Variants in CHMP2B observed in about 807,000 individuals in gnomAD.
The protein encoded by CHMP2B is VPS2 homolog B.
Under a neutral mutation model 29.8 loss-of-function variants are expected in CHMP2B, and 22 were observed. The observed-to-expected ratio is 0.74, with a 90% confidence interval of 0.53 to 1.05. The LOEUF (loss-of-function observed/expected upper bound fraction) is 1.05. Among genes scored for constraint, CHMP2B ranks in the 50% least tolerant of loss-of-function variants. The probability of loss-of-function intolerance (pLI) is 0.00; values close to 1 mark genes in which losing one functional copy is unlikely to be tolerated. For synonymous variants in CHMP2B, 78 were observed against 75.8 expected (o/e 1.03, Z -0.15); for missense variants, 261 against 252.2 (o/e 1.03, Z -0.24).
At chr3:87,227,645 C>A (rs938399805) in intron 1 of CHMP2B, 89 bp downstream of exon 1, 301 of 1,547,952 alleles carry the variant, frequency 1.9e-4, no homozygotes, top group Non-Finnish European at 2.5e-4. Flanking sequence ...CCTACTGTCC[C>A]TGGAGGCGGG....
Position 87,251,371 on chromosome 3 carries a change from T to C in CHMP2B, c.424+1394T>C, listed in dbSNP as rs73148493. 7.8e-3 allele frequency among the ~76,000 whole-genome samples: 1,191 copies of C among 152,038 alleles called. 7 individuals carry two copies. Among genetic ancestry groups the C allele is most frequent in the South Asian group, 0.025 (121 of 4,824 alleles). Reference sequence around the variant, plus strand: ...AATGATCTTAGTACTTAACATGTGGTTTCCAATGCCAGTGATGGCAGTTCT... The same window carrying C: ...AATGATCTTAGTACTTAACATGTGGCTTCCAATGCCAGTGATGGCAGTTCT... On this transcript the variant is annotated intron_variant, in intron 4 of 5. Transcript: ENST00000263780.
intron 1 of CHMP2B, among the ~76,000 whole-genome samples, chr3:87,228,983 TAC>T (rs1181525324): frequency 6.6e-6 from 1 of 152,120 alleles, no homozygotes; most frequent in African/African-American, 2.4e-5. Flanking sequence ...TTTATATAGT[TAC>T]AGTTTTTTTT....
At chr3:87,237,349 C>T (rs765371091) in intron 1 of CHMP2B, among the ~76,000 whole-genome samples, 4 of 152,056 alleles carry the variant, frequency 2.6e-5, no homozygotes, top group African/African-American at 7.3e-5. Flanking sequence ...TGACTGCTAT[C>T]CTTAGAAGAA....
At chr3:87,227,894 T>C (rs1209978725) in intron 1 of CHMP2B, among the ~76,000 whole-genome samples, 2 of 152,186 alleles carry the variant, frequency 1.3e-5, no homozygotes, top group Non-Finnish European at 2.9e-5. Context: ...TTTCCTCTGC[T>C]TCGATTGTTG....
chr3:87,231,892 G>C (rs1705914605), intron 1 of CHMP2B, among the ~76,000 whole-genome samples: 1 of 152,002 alleles, frequency 6.6e-6, no homozygotes, highest in African/African-American at 2.4e-5. Flanking sequence ...GGATTCACTA[G>C]AACCATAGTA....
At chr3:87,252,245 G>A (rs2171525) in intron 4 of CHMP2B, among the ~76,000 whole-genome samples, 21,365 of 151,708 alleles carry the variant, frequency 0.14, 1,637 homozygotes, top group South Asian at 0.21. Context: ...TAAATATTAA[G>A]CCTATTTGCC....
At chr3:87,239,308 A>T (rs886185752) in intron 1 of CHMP2B, among the ~76,000 whole-genome samples, 2 of 151,438 alleles carry the variant, frequency 1.3e-5, no homozygotes, top group Non-Finnish European at 2.9e-5. Context: ...TTTGTTCTTT[A>T]TGCTTTTAAT....
chr3:87,240,629 A>G, intron 1 of CHMP2B, 70 bp from the exon 2 acceptor site: 1 of 1,053,688 alleles, frequency 9.5e-7, no homozygotes, highest in Non-Finnish European at 1.5e-6. Context: ...TGATCTGTGA[A>G]TCCAGTATTT....
chr3:87,229,956 T>A (rs969612006), intron 1 of CHMP2B, among the ~76,000 whole-genome samples: 1 of 152,204 alleles, frequency 6.6e-6, no homozygotes, highest in Non-Finnish European at 1.5e-5. Context: ...TATACTTTGC[T>A]GTAGAAATTA....
intron 3 of CHMP2B, among the ~76,000 whole-genome samples, chr3:87,246,629 A>G (rs1016478147): frequency 6.6e-6 from 1 of 152,210 alleles, no homozygotes; most frequent in Non-Finnish European, 1.5e-5. Context: ...TCACATGAAT[A>G]ATAAGAAAGA....
chr3:87,230,661 G>A (rs987437846), intron 1 of CHMP2B, among the ~76,000 whole-genome samples: 1 of 152,132 alleles, frequency 6.6e-6, no homozygotes, highest in Non-Finnish European at 1.5e-5. Context: ...GCATTTCTTC[G>A]AAAGTATGGC....
intron 2 of CHMP2B, among the ~76,000 whole-genome samples, chr3:87,241,794 T>A (rs925722761): frequency 6.6e-6 from 1 of 152,122 alleles, no homozygotes; most frequent in Non-Finnish European, 1.5e-5. Flanking sequence ...GTGAACATGG[T>A]TTTCATTTTT....
At position 87,241,218 on chromosome 3, in the gene CHMP2B, T is replaced by C. The variant is rs1287071970; in HGVS notation, c.126+428T>C. Among the ~76,000 whole-genome samples, 8 of 152,222 alleles carry C rather than the reference T, an allele frequency of 5.3e-5. 1 individual carries two copies. Among genetic ancestry groups the C allele is most frequent in the Non-Finnish European group, 1.0e-4 (7 of 68,030 alleles). ...CAATGAATGTACTTTTATAATAGACTGGTCTGGTTCATTTTTAAATATTCT... is the reference window on the plus strand; with the variant it reads ...CAATGAATGTACTTTTATAATAGACCGGTCTGGTTCATTTTTAAATATTCT... On this transcript the variant is annotated intron_variant, in intron 2 of 5. Coordinates refer to ENST00000263780, the MANE Select transcript of CHMP2B (RefSeq NM_014043.4).
chr3:87,233,157 C>A (rs1004654467), intron 1 of CHMP2B, among the ~76,000 whole-genome samples: 1 of 152,054 alleles, frequency 6.6e-6, no homozygotes, highest in East Asian at 1.9e-4. Context: ...TTGGCATGAT[C>A]CCCCTTTGTT....
In CHMP2B at chr3:87,227,316, C is replaced by T. The variant is rs1050330114; in HGVS notation, c.-207C>T. ...GACTTCTCCAAAAAGTGTGTTAGTT[C>T]CCGGTCACCTGAGCTCCGGGTGACG... On this transcript the variant is annotated 5_prime_UTR_variant, in exon 1 of 6. Transcript: ENST00000263780. 1.6e-6 allele frequency: 1 copy of T among 616,008 alleles called. No individual in the cohort carries two copies. Among genetic ancestry groups the T allele is most frequent in the South Asian group, 1.9e-5 (1 of 52,672 alleles). The allele number at this position is 616,008 out of a possible 1,614,324, so 38.2% of individuals were successfully genotyped here. A position where few individuals can be genotyped will look rare whatever the true frequency, so the allele number is the denominator to read the frequency against.
At chr3:87,245,631 G>A (rs915104269) in intron 2 of CHMP2B, 83 bp from the exon 3 acceptor site, 69 of 1,118,622 alleles carry the variant, frequency 6.2e-5, no homozygotes, top group African/African-American at 7.8e-5. Flanking sequence ...TCTGTTATGT[G>A]TATTAGATCT....
intron 1 of CHMP2B, among the ~76,000 whole-genome samples, chr3:87,239,424 TGTTTGTATACA>T (rs1706074285): frequency 6.6e-6 from 1 of 152,198 alleles, no homozygotes; most frequent in African/African-American, 2.4e-5. Flanking sequence ...TTTGAGTTAA[TGTTTGTATACA>T]GTGTGACGTA....
At chr3:87,247,344 T>C (rs1706232607) in intron 3 of CHMP2B, among the ~76,000 whole-genome samples, 1 of 152,220 alleles carries the variant, frequency 6.6e-6, no homozygotes, top group African/African-American at 2.4e-5. Context: ...AAAGCTTATC[T>C]AACGTGTATT....
chr3:87,240,863 C>T (rs1370514268), intron 2 of CHMP2B, 73 bp downstream of exon 2: 2 of 1,130,838 alleles, frequency 1.8e-6, no homozygotes, highest in Admixed American at 1.7e-5. Context: ...AATTAGCTAA[C>T]TAGGAAGAAG....
Sources: gnomAD v4.1 joint callset for allele counts (sites outside exome capture counted in the v4.1 genomes callset) on GRCh38, gnomAD v4.1.1 for gene constraint, MANE v1.5 for transcripts, NCBI Gene and HGNC (gene_info 2026-07-23, HGNC 2026-07-21) for gene names.